DTWD2: variants seen among roughly 807,000 people sequenced by gnomAD.
DTWD2 encodes DTW motif tRNA-uridine aminocarboxypropyltransferase 2.
A neutral mutation model predicts 31.8 loss-of-function variants in DTWD2; 39 were observed. The ratio of observed to expected loss-of-function variants is 1.22; its 90% CI spans 0.95 to 1.60. The LOEUF is 1.60. Among genes scored for constraint, DTWD2 ranks in the 40% most tolerant of loss-of-function variants. The probability of loss-of-function intolerance (pLI) is 0.00; values close to 1 mark genes in which losing one functional copy is unlikely to be tolerated. For synonymous variants in DTWD2, 180 were observed against 142.8 expected (o/e 1.26, Z -1.86); for missense variants, 515 against 381.5 (o/e 1.35, Z -2.92).
chr5:118,973,248 A>G (rs1200641603), intron 1 of DTWD2, among the ~76,000 whole-genome samples: 1 of 152,112 alleles, frequency 6.6e-6, no homozygotes, highest in African/African-American at 2.4e-5. Flanking sequence ...CATTTAACCC[A>G]TTTACATTGA....
chr5:118,976,202 G>T (rs1755153276), intron 1 of DTWD2, among the ~76,000 whole-genome samples: 1 of 152,166 alleles, frequency 6.6e-6, no homozygotes. Flanking sequence ...CGTTTAGAGG[G>T]AAATTTATAG....
chr5:118,920,653 A>G (rs1479152854), intron 4 of DTWD2, among the ~76,000 whole-genome samples: 1 of 152,182 alleles, frequency 6.6e-6, no homozygotes, highest in Non-Finnish European at 1.5e-5. Flanking sequence ...AAAATATTGA[A>G]CTAAATTGTA....
intron 4 of DTWD2, among the ~76,000 whole-genome samples, chr5:118,887,785 A>G (rs529476885): frequency 6.6e-6 from 1 of 152,192 alleles, no homozygotes; most frequent in East Asian, 1.9e-4. Context: ...CACTTGACTA[A>G]TTGTTCTGTT....
intron 1 of DTWD2, among the ~76,000 whole-genome samples, chr5:118,952,448 A>G (rs944778975): frequency 6.6e-6 from 1 of 152,122 alleles, no homozygotes; most frequent in African/African-American, 2.4e-5. Flanking sequence ...AATTACAGTC[A>G]AAGGGGTTGT....
intron 4 of DTWD2, among the ~76,000 whole-genome samples, chr5:118,873,304 C>T (rs1465550296): frequency 2.6e-5 from 4 of 152,186 alleles, no homozygotes; most frequent in Admixed American, 1.3e-4. Flanking sequence ...CAGTCTTGCA[C>T]GTTAGATGGG....
intron 1 of DTWD2, among the ~76,000 whole-genome samples, chr5:118,948,811 TG>T (rs2149587834): frequency 6.6e-6 from 1 of 151,080 alleles, no homozygotes; most frequent in African/African-American, 2.4e-5. Context: ...GAAAGAGGAG[TG>T]GGGAAAGGAT....
At chr5:118,860,228 TTAATA>T (rs1752230040) in intron 4 of DTWD2, among the ~76,000 whole-genome samples, 1 of 149,652 alleles carries the variant, frequency 6.7e-6, no homozygotes, top group Admixed American at 6.7e-5. Flanking sequence ...ATTGTATTTA[TTAATA>T]TATTATAATC....
chr5:118,973,005 T>TA (rs1170871684), intron 1 of DTWD2, among the ~76,000 whole-genome samples: 1 of 152,204 alleles, frequency 6.6e-6, no homozygotes, highest in Non-Finnish European at 1.5e-5. Context: ...GTCTTTTTTT[T>TA]ATCTTTGTTG....
intron 1 of DTWD2, among the ~76,000 whole-genome samples, chr5:118,973,336 T>C (rs1755034992): frequency 1.3e-5 from 2 of 152,176 alleles, no homozygotes; most frequent in Non-Finnish European, 2.9e-5. Context: ...GTTGATGCAG[T>C]TTCTTCATAG....
chr5:118,913,723 G>A (rs753789089), intron 4 of DTWD2, among the ~76,000 whole-genome samples: 70 of 151,826 alleles, frequency 4.6e-4, no homozygotes, highest in Non-Finnish European at 7.9e-4. Flanking sequence ...AAAAGTACTA[G>A]TAGTGAGCAA....
intron 4 of DTWD2, among the ~76,000 whole-genome samples, chr5:118,850,409 C>G (rs542227575): frequency 4.0e-5 from 5 of 123,956 alleles, no homozygotes; most frequent in African/African-American, 1.5e-4. Flanking sequence ...GCTCTGGAGG[C>G]AGAGGTTGCA....
chr5:118,932,190 C>A (rs981404456), intron 3 of DTWD2, among the ~76,000 whole-genome samples: 9 of 151,742 alleles, frequency 5.9e-5, no homozygotes, highest in African/African-American at 1.7e-4. Context: ...AAAACAACAA[C>A]AACAACAAAA....
chr5:118,943,945 G>GTA (rs1754267459), intron 2 of DTWD2, among the ~76,000 whole-genome samples: 1 of 152,150 alleles, frequency 6.6e-6, no homozygotes, highest in South Asian at 2.1e-4. Context: ...TAATTTCATA[G>GTA]TATGCATTGA....
chr5:118,881,970 A>G lies in DTWD2; in HGVS notation c.598-33752T>C, dbSNP rs116635713. 1.5e-3 allele frequency among the ~76,000 whole-genome samples: 235 copies of G among 152,300 alleles called. 1 individual carries two copies. The highest frequency in any genetic ancestry group is 2.6e-3 in the Non-Finnish European group (178 of 68,028). ...ACATTTCAAAGCCAATCTCGCCTTC[A>G]TAACAGTCCCCCAAAGTCTTAACTC... On this transcript the variant is annotated intron_variant, in intron 4 of 5. Coordinates refer to ENST00000510708, the MANE Select transcript of DTWD2 (RefSeq NM_173666.4).
At chr5:118,893,649 T>C (rs898802629) in intron 4 of DTWD2, among the ~76,000 whole-genome samples, 4 of 151,836 alleles carry the variant, frequency 2.6e-5, no homozygotes, top group Admixed American at 6.6e-5. Flanking sequence ...TCTAGTCACA[T>C]GAGTCCTTAA....
At chr5:118,902,368 C>T (rs1175798859) in intron 4 of DTWD2, among the ~76,000 whole-genome samples, 1 of 152,032 alleles carries the variant, frequency 6.6e-6, no homozygotes, top group Non-Finnish European at 1.5e-5. Context: ...TTATAGCGCA[C>T]ATGAATATAT....
Position 118,944,651 on chromosome 5 carries a change from T to C in DTWD2, c.219-2A>G. 6.2e-7 allele frequency: 1 copy of C among 1,610,330 alleles called. No homozygotes were observed. The highest frequency in any genetic ancestry group is 1.1e-5 in the South Asian group (1 of 90,562). On this transcript the variant is annotated splice_acceptor_variant, in intron 1 of 5. Transcript: ENST00000510708. LOFTEE classifies it high-confidence loss of function. ...CACAAACACACTTTCTGAGGCCGGC[T>C]AAAGGGTAAAAAGAAAAATAAAACT...
intron 2 of DTWD2, among the ~76,000 whole-genome samples, chr5:118,943,595 G>T (rs965689638): frequency 6.6e-6 from 1 of 151,660 alleles, no homozygotes; most frequent in Admixed American, 6.6e-5. Context: ...CCACCAAATG[G>T]AGTAGTTAAC....
intron 2 of DTWD2, among the ~76,000 whole-genome samples, chr5:118,943,834 A>T (rs1754264996): frequency 6.6e-6 from 1 of 152,232 alleles, no homozygotes; most frequent in African/African-American, 2.4e-5. Context: ...CAGACTTGAG[A>T]AATTTAAAAA....
Sources: gnomAD v4.1 joint callset for allele counts (sites outside exome capture counted in the v4.1 genomes callset) on GRCh38, gnomAD v4.1.1 for gene constraint, MANE v1.5 for transcripts, NCBI Gene and HGNC (gene_info 2026-07-23, HGNC 2026-07-21) for gene names.